Variants in PTK2B observed in about 807,000 individuals in gnomAD.
PTK2B encodes the protein protein-tyrosine kinase 2-beta.
Under a neutral mutation model 142.9 loss-of-function variants are expected in PTK2B, and 71 were observed. That is an observed-to-expected ratio of 0.50 (90% CI 0.41 to 0.61). The LOEUF is 0.61. PTK2B is among the 20% of genes least tolerant of loss of function. The pLI is 0.00. For missense variants in PTK2B, 1,105 were observed against 1,320.4 expected (o/e 0.84, Z 2.53); for synonymous variants, 519 against 503.4 (o/e 1.03, Z -0.42).
intron 1 of PTK2B, among the ~76,000 whole-genome samples, chr8:27,381,373 A>T (rs556140393): frequency 1.2e-4 from 19 of 152,120 alleles, no homozygotes; most frequent in Non-Finnish European, 2.2e-4. Context: ...TATAACCACG[A>T]TTCTGTCTAC....
At chr8:27,450,575 A>G (rs948224203) in intron 24 of PTK2B, among the ~76,000 whole-genome samples, 174 bp from the exon 25 acceptor site, 1 of 152,172 alleles carries the variant, frequency 6.6e-6, no homozygotes, top group African/African-American at 2.4e-5. Flanking sequence ...CGGGGCTGAT[A>G]CTGGATAGCT....
At chr8:27,360,499 G>A (rs1425541025) in intron 1 of PTK2B, among the ~76,000 whole-genome samples, 4 of 152,152 alleles carry the variant, frequency 2.6e-5, no homozygotes, top group Non-Finnish European at 4.4e-5. Context: ...AGTGTTTCTG[G>A]TGCCCTTCCT....
At position 27,394,352 on chromosome 8, in the gene PTK2B, A is replaced by G. The variant is rs58333644; in HGVS notation, c.-37-3196A>G. ...TATGGTATAGCACATGGCTCCTACAACCCTATACAGCAAGTTACTGTACTG... is the reference window on the plus strand; with the variant it reads ...TATGGTATAGCACATGGCTCCTACAGCCCTATACAGCAAGTTACTGTACTG... On this transcript the variant is annotated intron_variant, in intron 1 of 30. Coordinates refer to ENST00000346049, the MANE Select transcript of PTK2B (RefSeq NM_173176.3). Among the ~76,000 whole-genome samples the G allele has an allele frequency of 1.4e-3, 208 of 152,324 alleles. 6 individuals carry two copies. The East Asian group carries it at 0.036, about 27-fold the overall frequency.
intron 13 of PTK2B, 112 bp downstream of exon 13, chr8:27,434,671 A>T: frequency 1.6e-6 from 2 of 1,220,464 alleles, no homozygotes; most frequent in East Asian, 5.2e-5. Context: ...CAGAAAAATG[A>T]TCCTCTCCCA....
Position 27,444,227 on chromosome 8 carries a change from C to T in PTK2B, c.2170C>T (p.Pro724Ser). 6.2e-7 allele frequency: 1 copy of T among 1,613,820 alleles called. No homozygotes were observed. Among genetic ancestry groups the T allele is most frequent in the Non-Finnish European group, 8.5e-7 (1 of 1,179,760 alleles). Residue 724 changes from proline (P) to serine (S), a missense_variant, in exon 23 of 31, where the codon CCC becomes TCC. Pro to Ser is a moderately conservative substitution (Grantham distance 74). Coordinates refer to ENST00000346049, the MANE Select transcript of PTK2B (RefSeq NM_173176.3). ...PPKPSRPKYR[P>S]PPQTNLLAPK... Reference sequence around the variant, plus strand: ...CCAGCCCAGCCGACCTAAGTACAGACCCCCTCCGCAAACCAACCTCCTGGC... The same window carrying T: ...CCAGCCCAGCCGACCTAAGTACAGATCCCCTCCGCAAACCAACCTCCTGGC...
At chr8:27,406,169 TCTC>T (rs898738858) in intron 2 of PTK2B, among the ~76,000 whole-genome samples, 4 of 152,184 alleles carry the variant, frequency 2.6e-5, no homozygotes, top group Non-Finnish European at 4.4e-5. Context: ...CACGTGGACT[TCTC>T]CTCTCTCTGT....
At chr8:27,417,294 G>A (rs941840140) in intron 2 of PTK2B, among the ~76,000 whole-genome samples, 3 of 152,202 alleles carry the variant, frequency 2.0e-5, no homozygotes, top group Non-Finnish European at 4.4e-5. Flanking sequence ...ACAACATGAT[G>A]GATCTCAGAC....
At chr8:27,326,165 T>C (rs900970613) in intron 1 of PTK2B, among the ~76,000 whole-genome samples, 8 of 152,106 alleles carry the variant, frequency 5.3e-5, no homozygotes, top group African/African-American at 1.9e-4. Flanking sequence ...GGTCATCTTC[T>C]GAATCAAGCC....
At chr8:27,311,130 A>G (rs1248435349), upstream of PTK2B, 3 of 1,602,514 alleles carry the variant, frequency 1.9e-6, no homozygotes, top group Middle Eastern at 1.7e-4. Context: ...TTGTGGCCGC[A>G]GCGCAGAGTG....
At chr8:27,441,899 C>T (rs1317260727) in intron 21 of PTK2B, among the ~76,000 whole-genome samples, 1 of 151,916 alleles carries the variant, frequency 6.6e-6, no homozygotes, top group Non-Finnish European at 1.5e-5. Context: ...TTCCCATCAT[C>T]TCCTGGGCTG....
chr8:27,395,757 C>T (rs1282269468), intron 1 of PTK2B, among the ~76,000 whole-genome samples: 2 of 152,144 alleles, frequency 1.3e-5, no homozygotes, highest in Non-Finnish European at 1.5e-5. Flanking sequence ...GTTGTGCAAG[C>T]GATAACTCAC....
chr8:27,450,815 A>C lies in PTK2B; in HGVS notation c.2407A>C (p.Lys803Gln). ...GCAGCTGTGGGAGGCTGAAAAGGTCAAAATGCGGCAAATCCTGGACAAACA... is the reference window on the plus strand; with the variant it reads ...GCAGCTGTGGGAGGCTGAAAAGGTCCAAATGCGGCAAATCCTGGACAAACA... Reference protein sequence around the residue: ...AQQLWEAEKVKMRQILDKQQK... With the variant: ...AQQLWEAEKVQMRQILDKQQK... The change falls in exon 25 of 31, where the codon AAA (lysine) becomes CAA (glutamine). Residue 803 changes from lysine (K) to glutamine (Q), a missense_variant. Transcript: ENST00000346049. 1 of 1,614,220 alleles carries C rather than the reference A, an allele frequency of 6.2e-7. No homozygotes were observed. The highest frequency in any genetic ancestry group is 1.7e-5 in the Admixed American group (1 of 60,032).
At chr8:27,317,279 G>T (rs928781599) in intron 3 of PTK2B, among the ~76,000 whole-genome samples, 1 of 152,198 alleles carries the variant, frequency 6.6e-6, no homozygotes, top group African/African-American at 2.4e-5. Context: ...CATCATGATT[G>T]ATTTGAGCTA....
chr8:27,355,958 G>A (rs1042799180), intron 1 of PTK2B, among the ~76,000 whole-genome samples: 1 of 151,950 alleles, frequency 6.6e-6, no homozygotes, highest in Non-Finnish European at 1.5e-5. Flanking sequence ...GGGAGGCAGA[G>A]GTAGCAGTGA....
intron 1 of PTK2B, among the ~76,000 whole-genome samples, chr8:27,362,609 A>C (rs1586162894): frequency 7.7e-6 from 1 of 130,340 alleles, no homozygotes; most frequent in African/African-American, 2.9e-5. Context: ...CTTCACCCTG[A>C]CCCCAGCAGT....
intron 1 of PTK2B, among the ~76,000 whole-genome samples, chr8:27,376,786 T>G (rs1198926162): frequency 6.6e-6 from 1 of 152,204 alleles, no homozygotes; most frequent in East Asian, 1.9e-4. Flanking sequence ...AGGGGAGGCA[T>G]GAATAATCCA....
At chr8:27,420,804 G>GT in intron 4 of PTK2B, 60 bp downstream of exon 4, 7 of 1,445,980 alleles carry the variant, frequency 4.8e-6, no homozygotes, top group Non-Finnish European at 6.8e-6. Flanking sequence ...TGCCAAGCAT[G>GT]AACCGTTCTC....
intron 1 of PTK2B, among the ~76,000 whole-genome samples, chr8:27,386,100 A>G (rs541241985): frequency 2.6e-5 from 4 of 152,308 alleles, no homozygotes; most frequent in Admixed American, 1.3e-4. Flanking sequence ...AGTTCTAATC[A>G]GTATGTAAAT....
intron 21 of PTK2B, 115 bp from the exon 22 acceptor site, chr8:27,442,760 G>A (rs760050683): frequency 1.1e-4 from 90 of 811,290 alleles, no homozygotes; most frequent in Non-Finnish European, 1.7e-4. Flanking sequence ...AACGGAAATG[G>A]GACCTAGCAA....
Sources: allele counts gnomAD v4.1 joint callset (sites outside exome capture counted in the v4.1 genomes callset), GRCh38; gene constraint gnomAD v4.1.1; transcripts MANE v1.5; gene names NCBI Gene and HGNC (gene_info 2026-07-23, HGNC 2026-07-21).